ANAPC1: variants seen among roughly 807,000 people sequenced by gnomAD.
ANAPC1 encodes anaphase promoting complex subunit 1, also known as anaphase-promoting complex subunit 1.
ANAPC1 carries 36 observed loss-of-function variants against 208.0 expected under a neutral mutation model. That is an observed-to-expected ratio of 0.17 (90% CI 0.13 to 0.23). The LOEUF (loss-of-function observed/expected upper bound fraction) is 0.23. Among genes scored for constraint, ANAPC1 ranks in the 10% least tolerant of loss-of-function variants. ANAPC1 has a pLI of 1.00. For synonymous variants in ANAPC1, 378 were observed against 695.2 expected (o/e 0.54, Z 7.18); for missense variants, 942 against 2,011.6 (o/e 0.47, Z 10.17).
At position 111,884,188 on chromosome 2, in the gene ANAPC1, C is replaced by T. The variant is rs550221865; in HGVS notation, c.-271G>A. On this transcript the variant is annotated 5_prime_UTR_variant, in exon 1 of 48. Transcript: ENST00000341068. ...CGTCCATCTTGACTTTCCCGTCTTG[C>T]CTCGCGCCGGGGCGGGGCATCGCGG... The T allele has an allele frequency of 1.3e-5, 2 of 152,460 alleles. No homozygotes were observed. Among genetic ancestry groups the T allele is most frequent in the South Asian group, 2.1e-4 (1 of 4,832 alleles). The allele number at this position is 152,460 out of a possible 1,614,324, so 9.4% of individuals were successfully genotyped here. A position where few individuals can be genotyped will look rare whatever the true frequency, so the allele number is the denominator to read the frequency against.
intron 33 of ANAPC1, among the ~76,000 whole-genome samples, chr2:111,801,397 C>A: frequency 1.5e-5 from 2 of 136,472 alleles, no homozygotes; most frequent in Non-Finnish European, 3.2e-5. Flanking sequence ...ATTTAATACA[C>A]CTTGCCTGCC....
At chr2:111,770,576 T>C (rs1676683315) in intron 47 of ANAPC1, among the ~76,000 whole-genome samples, 1 of 150,668 alleles carries the variant, frequency 6.6e-6, no homozygotes, top group Admixed American at 6.6e-5. Context: ...TTTATTTTTT[T>C]TTCACGGTTT....
intron 34 of ANAPC1, among the ~76,000 whole-genome samples, chr2:111,796,030 T>A (rs2104542062): frequency 6.7e-6 from 1 of 148,436 alleles, no homozygotes; most frequent in South Asian, 2.2e-4. Context: ...ACTTGAAGCC[T>A]GGAGTTCGAG....
At chr2:111,799,146 C>A (rs200942295) in intron 34 of ANAPC1, among the ~76,000 whole-genome samples, 2 of 151,782 alleles carry the variant, frequency 1.3e-5, no homozygotes, top group Admixed American at 1.3e-4. Flanking sequence ...AAAAGACATG[C>A]ACAGACACTT....
chr2:111,856,616 G>A lies in ANAPC1; in HGVS notation c.1513C>T (p.Arg505Trp), dbSNP rs769962757. 5.6e-6 allele frequency: 9 copies of A among 1,613,372 alleles called. No individual in the cohort carries two copies. Among genetic ancestry groups the A allele is most frequent in the African/African-American group, 4.0e-5 (3 of 74,876 alleles). Reference protein sequence around the residue: ...GNLVLYTGVVRVGKVFIPGLP... With the variant: ...GNLVLYTGVVWVGKVFIPGLP... ...ATGAAGTGCTACTTATTGCTTACCC[G>A]AACCACTCCTGTGTATAGCACCAGG... Residue 505 changes from arginine (R) to tryptophan (W), a missense_variant and splice_region_variant, in exon 13 of 48, where the codon CGG becomes TGG. Arg to Trp is a moderately radical substitution (Grantham distance 101). Coordinates refer to ENST00000341068, the MANE Select transcript of ANAPC1 (RefSeq NM_022662.4).
chr2:111,880,598 G>A lies in ANAPC1; in HGVS notation c.213+15C>T. 6.3e-7 allele frequency: 1 copy of A among 1,597,028 alleles called. No individual in the cohort carries two copies. The highest frequency in any genetic ancestry group is 8.5e-7 in the Non-Finnish European group (1 of 1,171,536). On this transcript the variant is annotated intron_variant, in intron 2 of 47. Transcript: ENST00000341068. ...ACTCTACATTTCAAAAACACAATGG[G>A]AAACTCAATGGAACCTTCTGTTTCT...
Position 111,862,498 on chromosome 2 carries a change from G to A in ANAPC1, c.1153C>T (p.His385Tyr), listed in dbSNP as rs1682126930. Reference sequence around the variant, plus strand: ...CCATTAGAATTACTATTTGGAGAATGAGAAATACTATGTCTCTTTGGAGAC... The same window carrying A: ...CCATTAGAATTACTATTTGGAGAATAAGAAATACTATGTCTCTTTGGAGAC... ...NQSPKRHSIS[H>Y]SPNSNSNGSF... The change falls in exon 10 of 48, where the codon CAT becomes TAT. Residue 385 changes from histidine to tyrosine, a missense_variant. Transcript: ENST00000341068. 1 of 1,611,496 alleles carries A rather than the reference G, an allele frequency of 6.2e-7. No homozygotes were observed. Among genetic ancestry groups the A allele is most frequent in the East Asian group, 2.2e-5 (1 of 44,856 alleles).
chr2:111,857,106 G>A, intron 11 of ANAPC1: 1 of 477,014 alleles, frequency 2.1e-6, no homozygotes, highest in Non-Finnish European at 3.8e-6. Flanking sequence ...ACGTAAGACA[G>A]ATAAAGATGT....
At chr2:111,829,677 G>A (rs957525886) in intron 21 of ANAPC1, among the ~76,000 whole-genome samples, 16 of 151,910 alleles carry the variant, frequency 1.1e-4, no homozygotes, top group African/African-American at 3.9e-4. Flanking sequence ...GAGATTTGCA[G>A]CTAGAGGTAA....
At position 111,834,806 on chromosome 2, in the gene ANAPC1, A is replaced by C. The variant is rs777335520; in HGVS notation, c.2182T>G (p.Leu728Val). 4 of 1,612,194 alleles carry C rather than the reference A, an allele frequency of 2.5e-6. No individual in the cohort carries two copies. In the South Asian group the frequency reaches 3.3e-5, roughly 13 times the overall value. The part of the protein sequence containing the change: ...NVESHLLNRS[L>V]CLSPSEASQM... ...GAAGCTTCTGAAGGACTCAGACATAAAGATCTGTTCAAAAGATGAGACTCA... is the reference window on the plus strand; with the variant it reads ...GAAGCTTCTGAAGGACTCAGACATACAGATCTGTTCAAAAGATGAGACTCA... The change falls in exon 19 of 48, where the codon TTA becomes GTA. Residue 728 changes from leucine to valine, a missense_variant. Physicochemically the swap from Leu to Val is conservative, Grantham distance 32. Coordinates refer to ENST00000341068, the MANE Select transcript of ANAPC1 (RefSeq NM_022662.4).
intron 3 of ANAPC1, among the ~76,000 whole-genome samples, chr2:111,876,224 C>T (rs572703188): frequency 1.3e-5 from 2 of 150,538 alleles, no homozygotes; most frequent in Non-Finnish European, 2.9e-5. Context: ...ACCCCCATCT[C>T]TATTAAAAAA....
intron 34 of ANAPC1, among the ~76,000 whole-genome samples, chr2:111,797,902 C>T (rs879021094): frequency 1.7e-5 from 2 of 116,926 alleles, no homozygotes; most frequent in African/African-American, 3.7e-5. Context: ...AGGGGAGAGT[C>T]GATCCATGGA....
chr2:111,856,288 C>T lies in ANAPC1; in HGVS notation c.1515+326G>A, dbSNP rs1202270675. The T allele has an allele frequency of 3.0e-5, 7 of 230,308 alleles. No homozygotes were observed. In the East Asian group the frequency reaches 7.5e-4, roughly 25 times the overall value. 14.3% of individuals were successfully genotyped at this position (230,308 alleles called of 1,614,324 possible). A position where few individuals can be genotyped will look rare whatever the true frequency, so the allele number is the denominator to read the frequency against. On this transcript the variant is annotated intron_variant, in intron 13 of 47. Transcript: ENST00000341068. ...TTAATATAGTGAAACTTTACCAAAA[C>T]TTTAGTACTTACCAAAGGTACCCAT...
intron 11 of ANAPC1, among the ~76,000 whole-genome samples, chr2:111,857,418 A>G (rs1681794769): frequency 6.6e-6 from 1 of 152,232 alleles, no homozygotes. Flanking sequence ...TTTACCTAAG[A>G]AGATAAATGA....
At chr2:111,807,691 A>C (rs565829238) in intron 29 of ANAPC1, among the ~76,000 whole-genome samples, 2,864 of 149,400 alleles carry the variant, frequency 0.019, 14 homozygotes, top group Non-Finnish European at 0.031. Flanking sequence ...GACTCTCTCA[A>C]AAAAAAAAAA....
chr2:111,864,329 AGATGAT>A (rs200879980), intron 8 of ANAPC1, among the ~76,000 whole-genome samples: 20,293 of 110,432 alleles, frequency 0.18, 2,048 homozygotes, highest in Middle Eastern at 0.29. Context: ...CTGTCTCTAG[AGATGAT>A]GATGATGATG....
In ANAPC1 at chr2:111,875,908, C is replaced by T. The variant is rs546687194; in HGVS notation, c.376-2244G>A. ...CACAAATAGCATCTTCTTTGAAAAA[C>T]CCTCCCTTTGGCACTCAGTCCTTTG... On this transcript the variant is annotated intron_variant, in intron 3 of 47. Transcript: ENST00000341068. 5.3e-5 allele frequency among the ~76,000 whole-genome samples: 8 copies of T among 152,332 alleles called. No homozygotes were observed. The East Asian group carries it at 1.3e-3, about 26-fold the overall frequency.
intron 21 of ANAPC1, among the ~76,000 whole-genome samples, chr2:111,826,842 G>C (rs1679864654): frequency 6.6e-6 from 1 of 151,966 alleles, no homozygotes; most frequent in Non-Finnish European, 1.5e-5. Context: ...TGTATTTTTA[G>C]TAGAGACAGG....
chr2:111,813,480 G>C (rs1679094468), intron 28 of ANAPC1, among the ~76,000 whole-genome samples: 1 of 150,528 alleles, frequency 6.6e-6, no homozygotes, highest in Admixed American at 6.6e-5. Context: ...GGAAAATACT[G>C]GCTGAGCTAC....
Sources: allele counts gnomAD v4.1 joint callset (sites outside exome capture counted in the v4.1 genomes callset), GRCh38; gene constraint gnomAD v4.1.1; transcripts MANE v1.5; gene names NCBI Gene and HGNC (gene_info 2026-07-23, HGNC 2026-07-21).